Variants in DGKI observed in about 807,000 individuals in gnomAD.
DGKI encodes the protein DAG kinase iota.
Under a neutral mutation model 147.5 loss-of-function variants are expected in DGKI, and 55 were observed. That is an observed-to-expected ratio of 0.37 (90% CI 0.30 to 0.47). The LOEUF (loss-of-function observed/expected upper bound fraction) is 0.47. Ranked by LOEUF, DGKI falls within the 20% of genes least tolerant of loss-of-function variation. The pLI is 1.00. For synonymous variants in DGKI, 469 were observed against 477.1 expected (o/e 0.98, Z 0.22); for missense variants, 1,007 against 1,323.8 (o/e 0.76, Z 3.71).
intron 8 of DGKI, among the ~76,000 whole-genome samples, chr7:137,614,917 T>C (rs1387731074): frequency 6.6e-6 from 1 of 152,120 alleles, no homozygotes. Flanking sequence ...CTGTTCTCAG[T>C]TAGTTCTATC....
At chr7:137,436,144 A>G (rs1563018075) in intron 28 of DGKI, among the ~76,000 whole-genome samples, 1 of 152,126 alleles carries the variant, frequency 6.6e-6, no homozygotes, top group Admixed American at 6.5e-5. Flanking sequence ...CCTACTTGTG[A>G]TATCTCTTTA....
At chr7:137,423,406 G>T (rs1245145544) in intron 28 of DGKI, among the ~76,000 whole-genome samples, 1 of 152,178 alleles carries the variant, frequency 6.6e-6, no homozygotes, top group South Asian at 2.1e-4. Flanking sequence ...GGAACTTGGG[G>T]TGAACAAGTG....
In DGKI at chr7:137,385,686, TTA is replaced by T. The variant is rs1811159183; in HGVS notation, c.*5532_*5533del. On this transcript the variant is annotated 3_prime_UTR_variant, in exon 33 of 33. Coordinates refer to ENST00000614521, the MANE Select transcript of DGKI (RefSeq NM_001321708.2). ...TGTTTCTAAGTCTTGTTTTAAAATC[TTA>T]GTTTCAGATACATTTTTAGAAATCT... is the stretch of plus-strand genomic sequence containing the variant. 6.6e-6 allele frequency: 1 copy of T among 152,146 alleles called. No individual in the cohort carries two copies. Among genetic ancestry groups the T allele is most frequent in the African/African-American group, 2.4e-5 (1 of 41,446 alleles). The allele number at this position is 152,146 out of a possible 1,614,324, so 9.4% of individuals were successfully genotyped here. A position where few individuals can be genotyped will look rare whatever the true frequency, so the allele number is the denominator to read the frequency against.
At chr7:137,716,119 T>C (rs1294162850) in intron 1 of DGKI, among the ~76,000 whole-genome samples, 1 of 152,164 alleles carries the variant, frequency 6.6e-6, no homozygotes, top group East Asian at 1.9e-4. Context: ...CCCAATGCTT[T>C]TGTGTAAGAG....
intron 1 of DGKI, among the ~76,000 whole-genome samples, chr7:137,793,155 T>G (rs1377004160): frequency 6.6e-6 from 1 of 152,164 alleles, no homozygotes; most frequent in East Asian, 1.9e-4. Flanking sequence ...ACTAGGGACT[T>G]CAAGGAGCAA....
intron 21 of DGKI, among the ~76,000 whole-genome samples, chr7:137,516,098 T>C (rs1816735748): frequency 6.6e-6 from 1 of 152,030 alleles, no homozygotes; most frequent in Admixed American, 6.6e-5. Context: ...TGTCAACTTG[T>C]TAAATGAGGG....
At chr7:137,725,632 C>T (rs1011462451) in intron 1 of DGKI, among the ~76,000 whole-genome samples, 3 of 151,534 alleles carry the variant, frequency 2.0e-5, no homozygotes, top group Admixed American at 6.6e-5. Context: ...ATATTTTTCT[C>T]ATTATAAAAT....
chr7:137,679,662 G>A (rs1823162923), intron 2 of DGKI, among the ~76,000 whole-genome samples: 1 of 151,630 alleles, frequency 6.6e-6, no homozygotes, highest in South Asian at 2.1e-4. Flanking sequence ...TTTTTTATGG[G>A]GGATACTATG....
intron 10 of DGKI, among the ~76,000 whole-genome samples, chr7:137,602,118 C>A (rs1820011541): frequency 6.6e-6 from 1 of 152,054 alleles, no homozygotes; most frequent in Admixed American, 6.6e-5. Context: ...ATTTTAATGA[C>A]CAACTAATTT....
chr7:137,666,900 T>C (rs1822660319), intron 3 of DGKI, among the ~76,000 whole-genome samples: 1 of 152,212 alleles, frequency 6.6e-6, no homozygotes, highest in Non-Finnish European at 1.5e-5. Context: ...AAGTTCTCTG[T>C]ACTTTGTTGC....
intron 22 of DGKI, among the ~76,000 whole-genome samples, chr7:137,485,841 C>A (rs1346332836): frequency 6.6e-6 from 1 of 152,080 alleles, no homozygotes; most frequent in Non-Finnish European, 1.5e-5. Flanking sequence ...AGACCAGATA[C>A]ATACTGTCAT....
At chr7:137,663,974 AAACCC>A (rs1822538592) in intron 3 of DGKI, among the ~76,000 whole-genome samples, 2 of 152,198 alleles carry the variant, frequency 1.3e-5, no homozygotes, top group Non-Finnish European at 2.9e-5. Context: ...TTAGGAGACA[AAACCC>A]CCACCGGGAC....
intron 1 of DGKI, among the ~76,000 whole-genome samples, chr7:137,825,528 T>C (rs1002157367): frequency 2.0e-5 from 3 of 152,100 alleles, no homozygotes; most frequent in African/African-American, 4.8e-5. Context: ...ATGAGGACAT[T>C]GGGGCTCAGA....
chr7:137,590,106 T>C (rs1272987685), intron 12 of DGKI, among the ~76,000 whole-genome samples: 1 of 151,804 alleles, frequency 6.6e-6, no homozygotes, highest in Non-Finnish European at 1.5e-5. Context: ...GGTAAAGGCT[T>C]GGATCAGCTT....
intron 3 of DGKI, among the ~76,000 whole-genome samples, chr7:137,671,653 G>A (rs934727715): frequency 1.3e-5 from 2 of 152,314 alleles, no homozygotes; most frequent in East Asian, 3.9e-4. Flanking sequence ...AGCAGAACTT[G>A]CATTTTTATC....
intron 28 of DGKI, among the ~76,000 whole-genome samples, chr7:137,435,960 A>G (rs1464338909): frequency 1.3e-5 from 2 of 152,082 alleles, no homozygotes; most frequent in Non-Finnish European, 2.9e-5. Flanking sequence ...TTGTATTTTT[A>G]GCAGAGGCGA....
At chr7:137,793,789 T>C (rs1796942177) in intron 1 of DGKI, among the ~76,000 whole-genome samples, 1 of 152,228 alleles carries the variant, frequency 6.6e-6, no homozygotes. Context: ...CAAGAAGATT[T>C]TGAAGGACTT....
At chr7:137,674,007 C>T (rs1319771489) in intron 3 of DGKI, among the ~76,000 whole-genome samples, 4 of 152,276 alleles carry the variant, frequency 2.6e-5, no homozygotes, top group South Asian at 2.1e-4. Flanking sequence ...TGTCACCAAA[C>T]GACAGTGATT....
chr7:137,420,099 G>C (rs1175780671), intron 28 of DGKI, among the ~76,000 whole-genome samples: 2 of 152,214 alleles, frequency 1.3e-5, no homozygotes, highest in Non-Finnish European at 2.9e-5. Context: ...TAGTAACTGG[G>C]TACTGGTATC....
Sources: gnomAD v4.1 joint callset for allele counts (sites outside exome capture counted in the v4.1 genomes callset) on GRCh38, gnomAD v4.1.1 for gene constraint, MANE v1.5 for transcripts, NCBI Gene and HGNC (gene_info 2026-07-23, HGNC 2026-07-21) for gene names.